GREM2: variants seen among roughly 807,000 people sequenced by gnomAD.
GREM2 encodes the protein gremlin 2, DAN family BMP antagonist.
A neutral mutation model predicts 14.2 loss-of-function variants in GREM2; 11 were observed. The ratio of observed to expected loss-of-function variants is 0.78; its 90% CI spans 0.49 to 1.28. GREM2 has a LOEUF of 1.28. GREM2 is among the 50% of genes most tolerant of loss of function. The pLI is 0.00. For synonymous variants in GREM2, 98 were observed against 97.6 expected (o/e 1.00, Z -0.02); for missense variants, 210 against 218.5 (o/e 0.96, Z 0.24).
At chr1:240,600,832 G>A (rs1294716265) in intron 1 of GREM2, among the ~76,000 whole-genome samples, 1 of 152,046 alleles carries the variant, frequency 6.6e-6, no homozygotes, top group Non-Finnish European at 1.5e-5. Flanking sequence ...TGAACTATTA[G>A]CTCCTTGAAA....
Position 240,542,443 on chromosome 1 carries a change from TA to T in GREM2, c.-1-48968del, listed in dbSNP as rs34602345. On this transcript the variant is annotated intron_variant, in intron 1 of 1. Transcript: ENST00000318160. This position sits in a 1 kb window ranked among gnomAD's most constrained non-coding sequence, Gnocchi z 4.1. ...AACATGGCGAAACCCCCATCTCTAC[TA>T]AAAAAAAAAAAAAAAAAAAAATTAG... Among the ~76,000 whole-genome samples, 48,813 of 113,322 alleles carry T rather than the reference TA, an allele frequency of 0.43. 9,669 individuals carry two copies. Among genetic ancestry groups the T allele is most frequent in the East Asian group, 0.6 (2,346 of 3,912 alleles). 74.3% of individuals were successfully genotyped at this position (113,322 alleles called of 152,430 possible).
intron 1 of GREM2, among the ~76,000 whole-genome samples, chr1:240,534,343 T>A (rs948766097): frequency 1.3e-5 from 2 of 152,214 alleles, no homozygotes; most frequent in African/African-American, 4.8e-5. Flanking sequence ...ATGTCAATTA[T>A]GAGGAACCCT....
At chr1:240,544,110 T>C (rs771913289) in intron 1 of GREM2, among the ~76,000 whole-genome samples, 9 of 151,408 alleles carry the variant, frequency 5.9e-5, no homozygotes, top group Non-Finnish European at 1.2e-4. Flanking sequence ...TGGTTTAAAG[T>C]AGAAGAAAGA....
chr1:240,539,093 A>C (rs1678536702), intron 1 of GREM2, among the ~76,000 whole-genome samples: 1 of 152,190 alleles, frequency 6.6e-6, no homozygotes, highest in South Asian at 2.1e-4. Flanking sequence ...AGGAAGGGGA[A>C]AGTCAGCATC....
intron 1 of GREM2, among the ~76,000 whole-genome samples, chr1:240,602,173 C>A (rs550216146): frequency 8.5e-5 from 13 of 152,140 alleles, no homozygotes; most frequent in African/African-American, 3.1e-4. Flanking sequence ...TTGCCCAGGC[C>A]CCTAAAAGCT....
chr1:240,562,987 T>A (rs1572400298), intron 1 of GREM2, among the ~76,000 whole-genome samples: 2 of 147,620 alleles, frequency 1.4e-5, no homozygotes, highest in East Asian at 4.0e-4. Flanking sequence ...TATATGTAAG[T>A]GTGTATGTGT....
At chr1:240,504,935 G>T (rs1369402369) in intron 1 of GREM2, among the ~76,000 whole-genome samples, 1 of 152,042 alleles carries the variant, frequency 6.6e-6, no homozygotes, top group Non-Finnish European at 1.5e-5. Context: ...GATATAGTTT[G>T]GATCTATGTC....
intron 1 of GREM2, among the ~76,000 whole-genome samples, chr1:240,546,246 G>C (rs908304457): frequency 6.6e-6 from 1 of 152,020 alleles, no homozygotes; most frequent in Non-Finnish European, 1.5e-5. Flanking sequence ...GGCTGAGGCA[G>C]GAGAATCTCT....
intron 1 of GREM2, among the ~76,000 whole-genome samples, chr1:240,546,109 C>T (rs1257242630): frequency 2.0e-5 from 3 of 151,832 alleles, no homozygotes; most frequent in African/African-American, 4.8e-5. Flanking sequence ...CTGAGGCGGG[C>T]GGATCACTTG....
chr1:240,544,274 A>T (rs1311404478), intron 1 of GREM2, among the ~76,000 whole-genome samples: 4 of 150,516 alleles, frequency 2.7e-5, no homozygotes, highest in East Asian at 2.0e-4. Context: ...CAGCCTCCTT[A>T]GTAGCTGGGA....
At position 240,492,977 on chromosome 1, in the gene GREM2, TGTCCGA is replaced by T; in HGVS notation, c.493_498del (p.Ser165_Asp166del). 6.5e-7 allele frequency: 1 copy of T among 1,540,714 alleles called. No individual in the cohort carries two copies. The highest frequency in any genetic ancestry group is 8.8e-7 in the Non-Finnish European group (1 of 1,138,606). ...TGCGTCCGGCCCGGCGCTCACTGCT[TGTCCGA>T]GTCGCTCAGGTTCACGGACATGCAC... On this transcript the variant is annotated inframe_deletion, in exon 2 of 2. Transcript: ENST00000318160.
At chr1:240,563,258 TTTG>T (rs1302069976) in intron 1 of GREM2, among the ~76,000 whole-genome samples, 1 of 152,028 alleles carries the variant, frequency 6.6e-6, no homozygotes, top group Non-Finnish European at 1.5e-5. Flanking sequence ...CAGGAACATA[TTTG>T]TTTTTAATTT....
chr1:240,579,180 G>A (rs1417487100), intron 1 of GREM2, among the ~76,000 whole-genome samples: 1 of 152,204 alleles, frequency 6.6e-6, no homozygotes, highest in African/African-American at 2.4e-5. Flanking sequence ...CACTGTCTGT[G>A]GGGAAGCTGG....
chr1:240,537,702 T>C (rs1678503182), intron 1 of GREM2, among the ~76,000 whole-genome samples: 1 of 152,128 alleles, frequency 6.6e-6, no homozygotes, highest in Non-Finnish European at 1.5e-5. Context: ...GGAGAATCAC[T>C]TGAATCCAGG....
chr1:240,575,771 T>C (rs1301657693), intron 1 of GREM2, among the ~76,000 whole-genome samples: 2 of 152,030 alleles, frequency 1.3e-5, no homozygotes, highest in East Asian at 3.9e-4. Context: ...TCTGTCCACC[T>C]CAGCCTCCCA....
At chr1:240,524,397 T>C (rs1678176999) in intron 1 of GREM2, among the ~76,000 whole-genome samples, 1 of 152,250 alleles carries the variant, frequency 6.6e-6, no homozygotes, top group Admixed American at 6.5e-5. Flanking sequence ...GTTCATTGTC[T>C]TTTGATTTGC....
At chr1:240,579,032 A>T (rs1173024676) in intron 1 of GREM2, among the ~76,000 whole-genome samples, 1 of 152,114 alleles carries the variant, frequency 6.6e-6, no homozygotes, top group Non-Finnish European at 1.5e-5. Flanking sequence ...AGGTCAGAAG[A>T]TGCTTTCTCT....
At chr1:240,611,013 CA>C (rs1470756131) in intron 1 of GREM2, among the ~76,000 whole-genome samples, 1 of 150,484 alleles carries the variant, frequency 6.6e-6, no homozygotes, top group African/African-American at 2.4e-5. Context: ...TTTAAAATTT[CA>C]AATCAAACAT....
intron 1 of GREM2, among the ~76,000 whole-genome samples, chr1:240,580,955 A>G (rs1170207810): frequency 6.6e-6 from 1 of 152,176 alleles, no homozygotes; most frequent in Non-Finnish European, 1.5e-5. Flanking sequence ...CTTGTTAGTT[A>G]AGAGCATAAA....
Sources: gnomAD v4.1 joint callset for allele counts (sites outside exome capture counted in the v4.1 genomes callset) on GRCh38, gnomAD v4.1.1 for gene constraint, Gnocchi (gnomAD v3.1) non-coding constraint, MANE v1.5 for transcripts, NCBI Gene and HGNC (gene_info 2026-07-23, HGNC 2026-07-21) for gene names.